MDGA1: variants seen among roughly 807,000 people sequenced by gnomAD.
The protein encoded by MDGA1 is MAM domain-containing glycosylphosphatidylinositol anchor protein 1.
A neutral mutation model predicts 101.5 loss-of-function variants in MDGA1; 54 were observed. The ratio of observed to expected loss-of-function variants is 0.53; its 90% confidence interval spans 0.43 to 0.67. MDGA1 has a LOEUF of 0.67. Among genes scored for constraint, MDGA1 ranks in the 30% least tolerant of loss-of-function variants. MDGA1 has a pLI of 0.00. For missense variants in MDGA1, 1,083 were observed against 1,323.8 expected (o/e 0.82, Z 2.82); for synonymous variants, 533 against 558.3 (o/e 0.95, Z 0.64).
rs185507687 is a variant in MDGA1, at chr6:37,648,646, G to A, written c.1894+336C>T. The A allele has an allele frequency of 2.5e-4, 97 of 380,426 alleles. 1 individual carries two copies. The Middle Eastern group carries it at 4.7e-3, about 18-fold the overall frequency. The allele number at this position is 380,426 out of a possible 1,614,324, so 23.6% of individuals were successfully genotyped here. ...CGCGGTTGTCACACGCCCAGGAAGC[G>A]GGCTGAGCTGTAATGGGCGGGGCTT... On this transcript the variant is annotated intron_variant, in intron 9 of 16. Coordinates refer to ENST00000434837, the MANE Select transcript of MDGA1 (RefSeq NM_153487.4).
Position 37,650,100 on chromosome 6 carries a change from T to A in MDGA1, c.1609+9A>T. The A allele has an allele frequency of 6.2e-7, 1 of 1,610,908 alleles. No individual in the cohort carries two copies. Among genetic ancestry groups the A allele is most frequent in the Non-Finnish European group, 8.5e-7 (1 of 1,177,924 alleles). On this transcript the variant is annotated intron_variant, in intron 8 of 16. Transcript: ENST00000434837. Reference sequence around the variant, plus strand: ...TGGGAAGGTAGTCCGGGTGGCGTGGTGGACTCACACTGCACGTTCAGCTGC... The same window carrying A: ...TGGGAAGGTAGTCCGGGTGGCGTGGAGGACTCACACTGCACGTTCAGCTGC...
chr6:37,694,436 T>G (rs1212694597), intron 1 of MDGA1, among the ~76,000 whole-genome samples: 5 of 152,242 alleles, frequency 3.3e-5, no homozygotes, highest in African/African-American at 1.2e-4. Flanking sequence ...GGATGCTGGA[T>G]GCAATGCCAG....
At chr6:37,681,199 G>C (rs934990827) in intron 1 of MDGA1, among the ~76,000 whole-genome samples, 15 of 152,214 alleles carry the variant, frequency 9.9e-5, no homozygotes, top group Non-Finnish European at 1.8e-4. Context: ...CCCTGTCTCA[G>C]GTCAGGGCTC....
chr6:37,666,970 T>C (rs2114060067), intron 1 of MDGA1, among the ~76,000 whole-genome samples: 1 of 152,352 alleles, frequency 6.6e-6, no homozygotes, highest in South Asian at 2.1e-4. Context: ...AAGAGAACAC[T>C]ACCAACCCTA....
intron 1 of MDGA1, among the ~76,000 whole-genome samples, chr6:37,680,278 G>A (rs1004072300): frequency 1.3e-5 from 2 of 152,238 alleles, no homozygotes; most frequent in Admixed American, 1.3e-4. Flanking sequence ...CTGATGGGGA[G>A]GGCAAGGTGG....
At chr6:37,680,844 G>A (rs1762077978) in intron 1 of MDGA1, among the ~76,000 whole-genome samples, 1 of 152,252 alleles carries the variant, frequency 6.6e-6, no homozygotes, top group Non-Finnish European at 1.5e-5. Context: ...CCTGGCGCAG[G>A]CCCCAGTGCC....
At chr6:37,643,408 G>A (rs188185829) in intron 14 of MDGA1, 109 of 167,964 alleles carry the variant, frequency 6.5e-4, no homozygotes, top group African/African-American at 2.6e-3. Flanking sequence ...AAGTAGCTGG[G>A]ATTACAGGCA....
chr6:37,655,828 TCTC>T lies in MDGA1; in HGVS notation c.448_450del (p.Glu150del). The T allele has an allele frequency of 1.2e-6, 2 of 1,613,732 alleles. No individual in the cohort carries two copies. The highest frequency in any genetic ancestry group is 1.1e-5 in the South Asian group (1 of 90,954). ...ACAGTACAGCGCAGGAACACCGTCT[TCTC>T]CTGGTAGAAGTTGCCTCGCACATCG... is the stretch of plus-strand genomic sequence containing the variant. On this transcript the variant is annotated inframe_deletion, in exon 4 of 17. Coordinates refer to ENST00000434837, the MANE Select transcript of MDGA1 (RefSeq NM_153487.4). This position sits in a 1 kb window ranked among gnomAD's most constrained non-coding sequence, Gnocchi z 5.1.
Position 37,649,040 on chromosome 6 carries a change from G to A in MDGA1, c.1836C>T (p.Ser612=). 6.5e-7 allele frequency: 1 copy of A among 1,545,816 alleles called. No homozygotes were observed. Among genetic ancestry groups the A allele is most frequent in the South Asian group, 1.2e-5 (1 of 84,026 alleles). ...LDAVTRDSSG[S]YECSVSNDVG... ...CATCGTTGGAGACGCTGCACTCGTA[G>A]CTGCCGCTGCTGTCGCGAGTTACGG... The change falls in exon 9 of 17, where the codon AGC becomes AGT. Residue 612 remains serine, a synonymous_variant. Transcript: ENST00000434837.
chr6:37,649,385 C>A, intron 8 of MDGA1, 119 bp from the exon 9 acceptor site: 1 of 1,385,086 alleles, frequency 7.2e-7, no homozygotes, highest in South Asian at 1.6e-5. Context: ...GGAAAAATCC[C>A]AGGGCGGATG....
chr6:37,649,242 G>A lies in MDGA1; in HGVS notation c.1634C>T (p.Ser545Phe), dbSNP rs374088920. The change falls in exon 9 of 17, where the codon TCC becomes TTC. Residue 545 changes from serine (S) to phenylalanine (F), a missense_variant. Around this residue, in one of 3 missense-constraint regions of MDGA1, gnomAD observed 657 missense variants for 771.4 expected, o/e 0.85. Transcript: ENST00000434837. ...VQFPPEVEPSSQDVRQALGRP... is the reference protein window; with the variant it reads ...VQFPPEVEPSFQDVRQALGRP... Reference sequence around the variant, plus strand: ...GCCCAGCGCCTGGCGCACGTCCTGGGAACTGGGCTCCACCTCCGGCGGGAC... The same window carrying A: ...GCCCAGCGCCTGGCGCACGTCCTGGAAACTGGGCTCCACCTCCGGCGGGAC... 1.8e-5 allele frequency: 27 copies of A among 1,506,562 alleles called. No homozygotes were observed. In the East Asian group the frequency reaches 4.3e-4, roughly 24 times the overall value. The allele number at this position is 1,506,562 out of a possible 1,614,324, so 93.3% of individuals were successfully genotyped here.
rs1762438735 is a variant in MDGA1, at chr6:37,697,091, G to T, written c.-280C>A. ...AGCAGCCAGCGCCCCGACCCGAGGA[G>T]CCCGGCCGCCGAGCCGCCCCGGGTA... On this transcript the variant is annotated 5_prime_UTR_variant, in exon 1 of 17. Transcript: ENST00000434837. 1 of 317,866 alleles carries T rather than the reference G, an allele frequency of 3.1e-6. No individual in the cohort carries two copies. The allele number at this position is 317,866 out of a possible 1,614,324, so 19.7% of individuals were successfully genotyped here. A position where few individuals can be genotyped will look rare whatever the true frequency, so the allele number is the denominator to read the frequency against.
chr6:37,681,542 A>G (rs1762097471), intron 1 of MDGA1, among the ~76,000 whole-genome samples: 1 of 152,240 alleles, frequency 6.6e-6, no homozygotes. Flanking sequence ...ACACATATAC[A>G]TAGTTCCCTG....
chr6:37,664,346 T>C, intron 1 of MDGA1: 1 of 515,222 alleles, frequency 1.9e-6, no homozygotes, highest in Non-Finnish European at 3.5e-6. Flanking sequence ...GAGCTGTGCT[T>C]TTCAGTGGGC....
chr6:37,649,541 C>G (rs1761307333), intron 8 of MDGA1, among the ~76,000 whole-genome samples: 3 of 152,190 alleles, frequency 2.0e-5, no homozygotes, highest in African/African-American at 7.2e-5. Flanking sequence ...CCACGCCCAC[C>G]CCAAGCAATG....
Position 37,638,506 on chromosome 6 carries a change from G to A in MDGA1, c.2667+31C>T, listed in dbSNP as rs116053524. On this transcript the variant is annotated intron_variant, in intron 15 of 16. Transcript: ENST00000434837. This position sits in a 1 kb window ranked among gnomAD's most constrained non-coding sequence, Gnocchi z 4.8. ...CCTGGCCACAGCAACCACCGAAGCC[G>A]GGGAGGGTCCTCTGGGCCCTACGGA... 1.1e-3 allele frequency: 1,781 copies of A among 1,612,096 alleles called. 12 individuals are homozygous for A. The African/African-American group carries it at 0.018, about 16-fold the overall frequency.
chr6:37,654,464 C>G lies in MDGA1; in HGVS notation c.792G>C (p.Leu264=). Residue 264 remains leucine (L), a synonymous_variant, in exon 6 of 17, where the codon CTG becomes CTC. Transcript: ENST00000434837. ...GCTGGGGGAGGGGATCACCGCCTGT[C>G]AGCAGACACTGCACCGTCACATTCT... is the stretch of plus-strand genomic sequence containing the variant. ...PGENVTVQCL[L]TGGDPLPQLQ... is the part of the protein sequence containing the mutation. The G allele has an allele frequency of 6.2e-7, 1 of 1,614,038 alleles. No homozygotes were observed. The highest frequency in any genetic ancestry group is 8.5e-7 in the Non-Finnish European group (1 of 1,179,902).
At chr6:37,648,602 A>C in intron 9 of MDGA1, 1 of 285,372 alleles carries the variant, frequency 3.5e-6, no homozygotes, top group Non-Finnish European at 6.5e-6. Flanking sequence ...GCCTGTGGGA[A>C]GGCTATGTTT....
At chr6:37,678,462 C>T (rs1197847572) in intron 1 of MDGA1, among the ~76,000 whole-genome samples, 1 of 152,136 alleles carries the variant, frequency 6.6e-6, no homozygotes, top group Non-Finnish European at 1.5e-5. Context: ...CACCAGCAGG[C>T]AGAGGATCTC....
Sources: allele counts gnomAD v4.1 joint callset (sites outside exome capture counted in the v4.1 genomes callset), GRCh38; gene constraint gnomAD v4.1.1; regional missense constraint gnomAD v4.1.1; non-coding constraint Gnocchi (gnomAD v3.1); transcripts MANE v1.5; gene names NCBI Gene and HGNC (gene_info 2026-07-23, HGNC 2026-07-21).